BARX2: variants seen among roughly 807,000 people sequenced by gnomAD.
BARX2 encodes homeobox protein BarH-like 2.
BARX2 carries 11 observed loss-of-function variants against 25.5 expected under a neutral mutation model. That is an observed-to-expected ratio of 0.43 (90% CI 0.27 to 0.71). The LOEUF is 0.71. BARX2 is among the 30% of genes least tolerant of loss of function. The pLI is 0.19. For synonymous variants in BARX2, 137 were observed against 149.5 expected, an observed-to-expected ratio of 0.92 and a Z score of 0.61; for missense variants, 360 against 359.9, an observed-to-expected ratio of 1.00 and a Z score of 0.00.
chr11:129,425,519 T>G (rs1862053591), intron 1 of BARX2, among the ~76,000 whole-genome samples: 1 of 151,820 alleles, frequency 6.6e-6, no homozygotes, highest in Admixed American at 6.6e-5. Context: ...AGGTGAAGGG[T>G]GGTGGAGGCT....
At chr11:129,410,555 G>T (rs1591436207) in intron 1 of BARX2, among the ~76,000 whole-genome samples, 1 of 152,336 alleles carries the variant, frequency 6.6e-6, no homozygotes, top group South Asian at 2.1e-4. Flanking sequence ...CACTGAATGG[G>T]AGGGGTGTGT....
intron 1 of BARX2, among the ~76,000 whole-genome samples, chr11:129,382,160 G>T (rs951507771): frequency 2.6e-5 from 4 of 152,122 alleles, no homozygotes; most frequent in African/African-American, 9.7e-5. Flanking sequence ...ATGGGCTGAG[G>T]CCTCTTCATT....
intron 1 of BARX2, among the ~76,000 whole-genome samples, chr11:129,427,172 C>T (rs1220336244): frequency 6.6e-6 from 1 of 152,190 alleles, no homozygotes; most frequent in African/African-American, 2.4e-5. Flanking sequence ...GCCCCCTGGG[C>T]ACTTCACATA....
In BARX2 at chr11:129,376,174, G is replaced by T. The variant is rs1861501472; in HGVS notation, c.139G>T (p.Val47Leu). 1 of 1,612,902 alleles carries T rather than the reference G, an allele frequency of 6.2e-7. No individual in the cohort carries two copies. Among genetic ancestry groups the T allele is most frequent in the South Asian group, 1.1e-5 (1 of 90,956 alleles). ...CTTTGAGAAACTTTCCCTCTACTCCGTGTGCCCGTCGCTGGTCGTGCGACC... is the reference window on the plus strand; with the variant it reads ...CTTTGAGAAACTTTCCCTCTACTCCTTGTGCCCGTCGCTGGTCGTGCGACC... Reference protein sequence around the residue: ...DYFEKLSLYSVCPSLVVRPKP... With the variant: ...DYFEKLSLYSLCPSLVVRPKP... The change falls in exon 1 of 4, where the codon GTG (valine) becomes TTG (leucine). Residue 47 changes from valine to leucine, a missense_variant. Physicochemically the swap from Val to Leu is conservative, Grantham distance 32. Around this residue, in one of 3 missense-constraint regions of BARX2, gnomAD observed 240 missense variants for 228.7 expected, o/e 1.05. Coordinates refer to ENST00000281437, the MANE Select transcript of BARX2 (RefSeq NM_003658.5). This position sits in a 1 kb window ranked among gnomAD's most constrained non-coding sequence, Gnocchi z 4.2.
intron 3 of BARX2, among the ~76,000 whole-genome samples, chr11:129,445,892 T>C (rs1862322027): frequency 6.6e-6 from 1 of 152,144 alleles, no homozygotes; most frequent in African/African-American, 2.4e-5. Flanking sequence ...GGCTATCTGT[T>C]TAGGTACCAG....
intron 3 of BARX2, among the ~76,000 whole-genome samples, chr11:129,450,805 T>C (rs139809715): frequency 6.6e-6 from 1 of 152,224 alleles, no homozygotes; most frequent in Non-Finnish European, 1.5e-5. Flanking sequence ...AATATTATTG[T>C]TGTCTTTTTA....
At chr11:129,375,807 A>C (rs1208479586), upstream of BARX2, 2 of 153,614 alleles carry the variant, frequency 1.3e-5, no homozygotes. This position sits in a 1 kb window ranked among gnomAD's most constrained non-coding sequence, Gnocchi z 4.0. Context: ...GCTGATTGAC[A>C]GCTGCGTTGT....
chr11:129,418,976 C>T (rs529669457), intron 1 of BARX2, among the ~76,000 whole-genome samples: 1 of 152,344 alleles, frequency 6.6e-6, no homozygotes, highest in African/African-American at 2.4e-5. Context: ...TGCACGTTCT[C>T]TCCATGTCTG....
At chr11:129,433,907 T>C (rs1015559813) in intron 1 of BARX2, among the ~76,000 whole-genome samples, 12 of 152,200 alleles carry the variant, frequency 7.9e-5, no homozygotes, top group Admixed American at 1.3e-4. Context: ...TAGGACTTTA[T>C]AGTATTCGTT....
intron 1 of BARX2, among the ~76,000 whole-genome samples, chr11:129,422,935 T>C (rs1862022092): frequency 6.6e-6 from 1 of 151,180 alleles, no homozygotes; most frequent in Non-Finnish European, 1.5e-5. Context: ...ACTCCCGACC[T>C]CAGATGATCC....
At chr11:129,379,252 CA>C (rs1212414797) in intron 1 of BARX2, among the ~76,000 whole-genome samples, 17 of 152,086 alleles carry the variant, frequency 1.1e-4, no homozygotes, top group Non-Finnish European at 1.5e-5. Context: ...CAGCTAAGCC[CA>C]AAAGAATGCC....
chr11:129,439,223 A>G (rs1452864238), intron 2 of BARX2, among the ~76,000 whole-genome samples: 1 of 152,134 alleles, frequency 6.6e-6, no homozygotes, highest in Admixed American at 6.5e-5. Context: ...CATCACGAAG[A>G]CTTGAATTAA....
rs1337473250 is a variant in BARX2 at position 129,376,867 on chromosome 11, C to G, written c.187+645C>G. 6.6e-6 allele frequency among the ~76,000 whole-genome samples: 1 copy of G among 152,192 alleles called. No individual in the cohort carries two copies. The highest frequency in any genetic ancestry group is 1.9e-4 in the East Asian group (1 of 5,196). On this transcript the variant is annotated intron_variant, in intron 1 of 3. Transcript: ENST00000281437. This position sits in a 1 kb window ranked among gnomAD's most constrained non-coding sequence, Gnocchi z 4.2. ...AAACCAGCAATGGTAACAATGAAAACATTACTCACACCTGGTTTTCTCTCT... is the reference window on the plus strand; with the variant it reads ...AAACCAGCAATGGTAACAATGAAAAGATTACTCACACCTGGTTTTCTCTCT...
At chr11:129,426,004 C>CTTTT in intron 1 of BARX2, among the ~76,000 whole-genome samples, 1 of 132,630 alleles carries the variant, frequency 7.5e-6, no homozygotes. Context: ...GCCCTTCCTC[C>CTTTT]TTTTTTTTTT....
At chr11:129,443,038 T>C (rs564968112) in intron 3 of BARX2, 119 bp downstream of exon 3, 1 of 839,468 alleles carries the variant, frequency 1.2e-6, no homozygotes, top group Admixed American at 2.0e-5. Context: ...GAAGGCCTTC[T>C]ATGCTGCTGG....
At chr11:129,438,963 G>A (rs1241491274) in intron 2 of BARX2, among the ~76,000 whole-genome samples, 1 of 152,152 alleles carries the variant, frequency 6.6e-6, no homozygotes, top group East Asian at 1.9e-4. Context: ...AGCGTGTCTC[G>A]CCGGGTATGT....
At chr11:129,404,951 G>A (rs896374440) in intron 1 of BARX2, among the ~76,000 whole-genome samples, 7 of 152,164 alleles carry the variant, frequency 4.6e-5, no homozygotes, top group Non-Finnish European at 1.0e-4. Flanking sequence ...CTGAGTTTGT[G>A]AACAGCTGCA....
intron 1 of BARX2, among the ~76,000 whole-genome samples, chr11:129,416,080 G>A (rs1184088792): frequency 2.6e-5 from 4 of 152,198 alleles, no homozygotes; most frequent in Admixed American, 2.6e-4. Flanking sequence ...TGGATGGGCT[G>A]GCTGTTCTCT....
chr11:129,420,704 A>G (rs117078626), intron 1 of BARX2, among the ~76,000 whole-genome samples: 2,678 of 152,340 alleles, frequency 0.018, 36 homozygotes, highest in Middle Eastern at 0.031. Flanking sequence ...GAGATGATTG[A>G]GCAGAGCTGG....
Sources: allele counts gnomAD v4.1 joint callset (sites outside exome capture counted in the v4.1 genomes callset), GRCh38; gene constraint gnomAD v4.1.1; regional missense constraint gnomAD v4.1.1; non-coding constraint Gnocchi (gnomAD v3.1); transcripts MANE v1.5; gene names NCBI Gene and HGNC (gene_info 2026-07-23, HGNC 2026-07-21).